MYC: variants seen among roughly 807,000 people sequenced by gnomAD.
The protein encoded by MYC is MYC proto-oncogene, bHLH transcription factor, also known as myc proto-oncogene protein.
MYC carries 1 observed loss-of-function variant against 30.5 expected under a neutral mutation model. That is an observed-to-expected ratio of 0.03 (90% CI 0.01 to 0.16). The LOEUF is 0.16. MYC is among the 10% of genes least tolerant of loss of function. The pLI is 1.00. For missense variants in MYC, 508 were observed against 589.0 expected, an observed-to-expected ratio of 0.86 and a Z score of 1.42; for synonymous variants, 267 against 250.7, an observed-to-expected ratio of 1.07 and a Z score of -0.62.
Position 127,738,297 on chromosome 8 carries a change from A to G in MYC, c.80A>G (p.Tyr27Cys). The G allele has an allele frequency of 1.9e-6, 3 of 1,610,850 alleles. No homozygotes were observed. The highest frequency in any genetic ancestry group is 1.1e-5 in the South Asian group (1 of 90,870). The change falls in exon 2 of 3, where the codon TAT (tyrosine) becomes TGT (cysteine). Residue 27 changes from tyrosine to cysteine, a missense_variant. Tyr to Cys is a radical substitution (Grantham distance 194, BLOSUM62 -2). This residue lies in a region of MYC where 70 missense variants were observed against 84.5 expected (regional missense o/e 0.83). Coordinates refer to ENST00000621592, the MANE Select transcript of MYC (RefSeq NM_002467.6). The surrounding 1 kb of genome is among the most constrained non-coding windows in gnomAD (Gnocchi z 7.6). ...AACGTTAGCTTCACCAACAGGAACT[A>G]TGACCTCGACTACGACTCGGTGCAG...
Position 127,738,775 on chromosome 8 carries a change from C to T in MYC, c.558C>T (p.Cys186=). Residue 186 remains cysteine, a synonymous_variant, in exon 2 of 3, where the codon TGC becomes TGT. Coordinates refer to ENST00000621592, the MANE Select transcript of MYC (RefSeq NM_002467.6). This position sits in a 1 kb window ranked among gnomAD's most constrained non-coding sequence, Gnocchi z 7.6. ...ACCCCGCCCGCGGCCACAGCGTCTGCTCCACCTCCAGCTTGTACCTGCAGG... is the reference window on the plus strand; with the variant it reads ...ACCCCGCCCGCGGCCACAGCGTCTGTTCCACCTCCAGCTTGTACCTGCAGG... 6.2e-7 allele frequency: 1 copy of T among 1,610,568 alleles called. No homozygotes were observed. Among genetic ancestry groups the T allele is most frequent in the Non-Finnish European group, 8.5e-7 (1 of 1,178,016 alleles).
At chr8:127,735,604 C>T (rs1813568014), upstream of MYC, 1 of 399,040 alleles carries the variant, frequency 2.5e-6, no homozygotes, top group Admixed American at 4.4e-5. Flanking sequence ...CCTCCACTCT[C>T]CCTGGGACTC....
At position 127,736,733 on chromosome 8, in the gene MYC, C is replaced by T. The variant is rs921807840; in HGVS notation, c.30+110C>T. The T allele has an allele frequency of 4.0e-6, 5 of 1,247,366 alleles. No individual in the cohort carries two copies. In the African/African-American group the frequency reaches 4.5e-5, roughly 11 times the overall value. The allele number at this position is 1,247,366 out of a possible 1,614,324, so 77.3% of individuals were successfully genotyped here. A position where few individuals can be genotyped will look rare whatever the true frequency, so the allele number is the denominator to read the frequency against. On this transcript the variant is annotated intron_variant, in intron 1 of 2. Transcript: ENST00000621592. ...TTTTCTCCCATTCCTGCGCTATTGACACTTTTCTCAGAGTAGTTATGGTAA... is the reference window on the plus strand; with the variant it reads ...TTTTCTCCCATTCCTGCGCTATTGATACTTTTCTCAGAGTAGTTATGGTAA...
Position 127,742,473 on chromosome 8 carries a change from T to C in MYC, c.*1515T>C, listed in dbSNP as rs1813727313. On this transcript the variant is annotated 3_prime_UTR_variant, in exon 3 of 3. Coordinates refer to ENST00000621592, the MANE Select transcript of MYC (RefSeq NM_002467.6). ...CATCTAAGCCTGGTCAGGCATCAGT[T>C]CCCCTTTTTTTGTGATTTATTTTGT... Among the ~76,000 whole-genome samples the C allele has an allele frequency of 6.6e-6, 1 of 152,146 alleles. No individual in the cohort carries two copies. Among genetic ancestry groups the C allele is most frequent in the Non-Finnish European group, 1.5e-5 (1 of 68,016 alleles).
At chr8:127,736,725 G>A (rs973364711) in intron 1 of MYC, 102 bp downstream of exon 1, 11 of 1,316,040 alleles carry the variant, frequency 8.4e-6, no homozygotes, top group African/African-American at 7.3e-5. Context: ...CCATTCCTGC[G>A]CTATTGACAC....
At chr8:127,739,664 T>A (rs1411097017) in intron 2 of MYC, among the ~76,000 whole-genome samples, 1 of 152,152 alleles carries the variant, frequency 6.6e-6, no homozygotes, top group Non-Finnish European at 1.5e-5. Context: ...CAATTTTTTT[T>A]TTTTTATTTT....
At chr8:127,736,707 C>T (rs1813597723) in intron 1 of MYC, 84 bp downstream of exon 1, 1 of 1,444,846 alleles carries the variant, frequency 6.9e-7, no homozygotes, top group African/African-American at 1.4e-5. Context: ...AATAGGGTGT[C>T]TTTTCTCCCA....
In MYC at chr8:127,738,177, G is replaced by A. The variant is rs760728591; in HGVS notation, c.31-71G>A. 280 of 1,495,106 alleles carry A rather than the reference G, an allele frequency of 1.9e-4. No homozygotes were observed. The highest frequency in any genetic ancestry group is 2.4e-4 in the Non-Finnish European group (265 of 1,118,530). 92.6% of individuals were successfully genotyped at this position (1,495,106 alleles called of 1,614,324 possible). On this transcript the variant is annotated intron_variant, in intron 1 of 2. Transcript: ENST00000621592. The surrounding 1 kb of genome is among the most constrained non-coding windows in gnomAD (Gnocchi z 7.6). ...TTCGGGACTGTGGCGCGCACTGCGCGCTGCGCCAGGTTTCCGCACCAAGAC... is the reference window on the plus strand; with the variant it reads ...TTCGGGACTGTGGCGCGCACTGCGCACTGCGCCAGGTTTCCGCACCAAGAC...
rs1207461493 is a variant in MYC, at chr8:127,741,956, A to T, written c.*998A>T. On this transcript the variant is annotated 3_prime_UTR_variant, in exon 3 of 3. Coordinates refer to ENST00000621592, the MANE Select transcript of MYC (RefSeq NM_002467.6). The stretch of plus-strand genomic sequence containing the variant: ...GGAATGCTACTATTAACCCTATTTC[A>T]CAAACAAGGAAATAGAAGAGCTCAA... 2.0e-5 allele frequency among the ~76,000 whole-genome samples: 3 copies of T among 152,194 alleles called. No individual in the cohort carries two copies. The highest frequency in any genetic ancestry group is 4.4e-5 in the Non-Finnish European group (3 of 68,042).
upstream of MYC, chr8:127,735,521 A>T (rs1813565973): frequency 2.5e-6 from 1 of 399,158 alleles, no homozygotes; most frequent in African/African-American, 2.1e-5. Flanking sequence ...TTTCCTCCTT[A>T]TGCCTCTATC....
Position 127,738,825 on chromosome 8 carries a change from G to T in MYC, c.608G>T (p.Cys203Phe). 1 of 1,611,270 alleles carries T rather than the reference G, an allele frequency of 6.2e-7. No individual in the cohort carries two copies. Among genetic ancestry groups the T allele is most frequent in the Non-Finnish European group, 8.5e-7 (1 of 1,178,946 alleles). The change falls in exon 2 of 3, where the codon TGC becomes TTC. Residue 203 changes from cysteine (C) to phenylalanine (F), a missense_variant. Cys to Phe is a radical substitution (Grantham distance 205, BLOSUM62 -2). This residue lies in a region of MYC where 364 missense variants were observed against 381.1 expected (regional missense o/e 0.96). Coordinates refer to ENST00000621592, the MANE Select transcript of MYC (RefSeq NM_002467.6). This position sits in a 1 kb window ranked among gnomAD's most constrained non-coding sequence, Gnocchi z 7.6. ...GATCTGAGCGCCGCCGCCTCAGAGT[G>T]CATCGACCCCTCGGTGGTCTTCCCC...
At position 127,736,265 on chromosome 8, in the gene MYC, G is replaced by C. The variant is rs1175073171; in HGVS notation, c.-329G>C. On this transcript the variant is annotated 5_prime_UTR_variant, in exon 1 of 3. Coordinates refer to ENST00000621592, the MANE Select transcript of MYC (RefSeq NM_002467.6). ...TAGTAATTCCAGCGAGAGGCAGAGG[G>C]AGCGAGCGGGCGGCCGGCTAGGGTG... is the stretch of plus-strand genomic sequence containing the variant. 2 of 544,582 alleles carry C rather than the reference G, an allele frequency of 3.7e-6. No homozygotes were observed. The highest frequency in any genetic ancestry group is 6.4e-6 in the Non-Finnish European group (2 of 310,246). 33.7% of individuals were successfully genotyped at this position (544,582 alleles called of 1,614,324 possible). A position where few individuals can be genotyped will look rare whatever the true frequency, so the allele number is the denominator to read the frequency against.
At chr8:127,740,031 C>T (rs995065571) in intron 2 of MYC, among the ~76,000 whole-genome samples, 3 of 149,620 alleles carry the variant, frequency 2.0e-5, no homozygotes, top group African/African-American at 5.0e-5. Flanking sequence ...AGTGCAGTGG[C>T]GCAATCAACC....
upstream of MYC, chr8:127,736,219 G>C (rs1244867370): frequency 2.0e-6 from 1 of 495,570 alleles, no homozygotes; most frequent in Non-Finnish European, 3.5e-6. Flanking sequence ...GCCGGTTTTC[G>C]GGGCTTTATC....
At chr8:127,739,130 T>C in intron 2 of MYC, 111 bp downstream of exon 2, 1 of 1,222,394 alleles carries the variant, frequency 8.2e-7, no homozygotes, top group Non-Finnish European at 1.1e-6. Context: ...AGATAGCAGA[T>C]CTGGAGAGAT....
In MYC at chr8:127,741,147, C is replaced by CTT; in HGVS notation, c.*198_*199dup. 15 of 379,928 alleles carry CTT rather than the reference C, an allele frequency of 3.9e-5. No individual in the cohort carries two copies. The highest frequency in any genetic ancestry group is 1.2e-4 in the South Asian group (1 of 8,478). The allele number at this position is 379,928 out of a possible 1,614,324, so 23.5% of individuals were successfully genotyped here. A position where few individuals can be genotyped will look rare whatever the true frequency, so the allele number is the denominator to read the frequency against. ...AAAAGAACTTTTTTATGCTTACCATCTTTTTTTTTTCTTTAACAGATTTGT... is the reference window on the plus strand; with the variant it reads ...AAAAGAACTTTTTTATGCTTACCATCTTTTTTTTTTTTCTTTAACAGATTTGT... On this transcript the variant is annotated 3_prime_UTR_variant, in exon 3 of 3. Transcript: ENST00000621592.
intron 1 of MYC, 84 bp downstream of exon 1, chr8:127,736,707 C>A: frequency 2.8e-6 from 4 of 1,444,966 alleles, no homozygotes; most frequent in Non-Finnish European, 3.8e-6. Flanking sequence ...AATAGGGTGT[C>A]TTTTCTCCCA....
chr8:127,738,967 C>G lies in MYC; in HGVS notation c.750C>G (p.Pro250=), dbSNP rs761049734. Residue 250 remains proline, a synonymous_variant, in exon 2 of 3, where the codon CCC becomes CCG. Coordinates refer to ENST00000621592, the MANE Select transcript of MYC (RefSeq NM_002467.6). The surrounding 1 kb of genome is among the most constrained non-coding windows in gnomAD (Gnocchi z 7.6). ...CGGAGTCCTCCCCGCAGGGCAGCCCCGAGCCCCTGGTGCTCCATGAGGAGA... is the reference window on the plus strand; with the variant it reads ...CGGAGTCCTCCCCGCAGGGCAGCCCGGAGCCCCTGGTGCTCCATGAGGAGA... The G allele has an allele frequency of 7.6e-6, 12 of 1,569,608 alleles. No homozygotes were observed. The highest frequency in any genetic ancestry group is 1.8e-5 in the Admixed American group (1 of 54,378).
At chr8:127,735,816 G>T, upstream of MYC, 1 of 399,242 alleles carries the variant, frequency 2.5e-6, no homozygotes, top group South Asian at 1.3e-4. Context: ...GAGAGGGTTT[G>T]AGAGGGAGCA....
Sources: allele counts gnomAD v4.1 joint callset (sites outside exome capture counted in the v4.1 genomes callset), GRCh38; gene constraint gnomAD v4.1.1; regional missense constraint gnomAD v4.1.1; non-coding constraint Gnocchi (gnomAD v3.1); transcripts MANE v1.5; gene names NCBI Gene and HGNC (gene_info 2026-07-23, HGNC 2026-07-21).